Variants in TNRC6A observed in about 807,000 individuals in gnomAD.
TNRC6A encodes trinucleotide repeat containing adaptor 6A.
Under a neutral mutation model 221.2 loss-of-function variants are expected in TNRC6A, and 44 were observed. The ratio of observed to expected loss-of-function variants is 0.20; its 90% CI spans 0.16 to 0.26. The LOEUF (loss-of-function observed/expected upper bound fraction) is 0.26, where lower values mean the gene tolerates loss of function less well. Ranked by LOEUF, TNRC6A falls within the 10% of genes least tolerant of loss-of-function variation. The pLI, the probability that TNRC6A is intolerant of heterozygous loss-of-function variation, is 1.00. For missense variants in TNRC6A, 2,199 were observed against 2,404.4 expected (o/e 0.91, Z 1.79); for synonymous variants, 847 against 838.5 (o/e 1.01, Z -0.18).
intron 2 of TNRC6A, among the ~76,000 whole-genome samples, chr16:24,722,520 C>G (rs1050747632): frequency 3.5e-4 from 54 of 152,126 alleles, no homozygotes; most frequent in African/African-American, 1.2e-3. Flanking sequence ...ACTGTAACCT[C>G]CACTCCCGGG....
At chr16:24,645,475 G>A (rs1285122303) in intron 2 of TNRC6A, among the ~76,000 whole-genome samples, 2 of 151,486 alleles carry the variant, frequency 1.3e-5, no homozygotes, top group Admixed American at 6.6e-5. Flanking sequence ...GGGCAACAGA[G>A]TGAGACCCTG....
In TNRC6A at chr16:24,793,512, C is replaced by T. The variant is rs1317109988; in HGVS notation, c.3215C>T (p.Thr1072Ile). 6.5e-7 allele frequency: 1 copy of T among 1,538,026 alleles called. No homozygotes were observed. The highest frequency in any genetic ancestry group is 1.9e-5 in the Admixed American group (1 of 52,556). ...TGGGGGGAGCCTTCTACTCCAGCCA[C>T]AACTGTGGATAATGGTACTTCAGCA... Reference protein sequence around the residue: ...EPWGEPSTPATTVDNGTSAWG... With the variant: ...EPWGEPSTPAITVDNGTSAWG... The change falls in exon 7 of 25, where the codon ACA (threonine) becomes ATA (isoleucine). Residue 1072 changes from threonine (T) to isoleucine (I), a missense_variant. Transcript: ENST00000395799.
At chr16:24,681,896 C>T (rs2142063593) in intron 2 of TNRC6A, among the ~76,000 whole-genome samples, 1 of 152,302 alleles carries the variant, frequency 6.6e-6, no homozygotes, top group African/African-American at 2.4e-5. Flanking sequence ...AAAAGGGATG[C>T]ATATTTTAAA....
rs761413935 is a variant in TNRC6A at position 24,809,402 on chromosome 16, A to G, written c.4593A>G (p.Pro1531=). The change falls in exon 18 of 25, where the codon CCA becomes CCG. Residue 1531 remains proline, a synonymous_variant. Transcript: ENST00000395799. The part of the protein sequence containing the change: ...VNMDMNSIKE[P]QSRLRKWTTV... The stretch of plus-strand genomic sequence containing the variant: ...TGGATATGAACAGTATTAAAGAGCC[A>G]CAGTCAAGACTAAGGAAGTGGACGA... The G allele has an allele frequency of 1.2e-6, 2 of 1,600,574 alleles. No homozygotes were observed. Among genetic ancestry groups the G allele is most frequent in the South Asian group, 1.1e-5 (1 of 88,458 alleles).
chr16:24,657,658 G>C (rs1596610231), intron 2 of TNRC6A, among the ~76,000 whole-genome samples: 1 of 148,680 alleles, frequency 6.7e-6, no homozygotes, highest in African/African-American at 2.5e-5. Context: ...GCAGTGAGCT[G>C]AGATCGTGCC....
chr16:24,817,034 C>G (rs1041974026), intron 20 of TNRC6A, 78 bp downstream of exon 20: 14 of 1,440,692 alleles, frequency 9.7e-6, no homozygotes, highest in African/African-American at 1.4e-5. Context: ...CCCAGCTACT[C>G]TGGGCGACTG....
chr16:24,778,287 C>G, intron 5 of TNRC6A: 5 of 985,138 alleles, frequency 5.1e-6, no homozygotes, highest in Non-Finnish European at 6.0e-6. Context: ...TACCTGTGCT[C>G]TCTTTTATAT....
At chr16:24,628,802 C>A (rs1901176982) in intron 1 of TNRC6A, among the ~76,000 whole-genome samples, 1 of 150,702 alleles carries the variant, frequency 6.6e-6, no homozygotes, top group African/African-American at 2.5e-5. Context: ...TGTCGGTGCC[C>A]CTAACTCCCA....
At chr16:24,818,462 A>G (rs962677161) in intron 20 of TNRC6A, 131 bp from the exon 21 acceptor site, 5 of 712,296 alleles carry the variant, frequency 7.0e-6, no homozygotes, top group Non-Finnish European at 1.3e-5. Flanking sequence ...CTCGGGCACC[A>G]TCTTACCCTG....
chr16:24,643,102 A>C (rs1313273562), intron 2 of TNRC6A, among the ~76,000 whole-genome samples: 1 of 63,166 alleles, frequency 1.6e-5, no homozygotes, highest in African/African-American at 5.4e-5. Context: ...TTTTATATAT[A>C]TATATAAAAT....
At chr16:24,788,874 T>G (rs2058031848) in intron 5 of TNRC6A, among the ~76,000 whole-genome samples, 1 of 152,332 alleles carries the variant, frequency 6.6e-6, no homozygotes, top group East Asian at 1.9e-4. Flanking sequence ...GTTCTTGATC[T>G]CCTGACCTCG....
At chr16:24,762,995 T>TA (rs1160774760) in intron 4 of TNRC6A, among the ~76,000 whole-genome samples, 3 of 151,700 alleles carry the variant, frequency 2.0e-5, no homozygotes, top group Non-Finnish European at 2.9e-5. Context: ...TTTTTTTTTT[T>TA]AAATTGTAGC....
At chr16:24,685,765 T>A (rs946811830) in intron 2 of TNRC6A, among the ~76,000 whole-genome samples, 2 of 152,218 alleles carry the variant, frequency 1.3e-5, no homozygotes, top group Non-Finnish European at 2.9e-5. Context: ...CTCGGTTTGC[T>A]CATCAGTAAA....
intron 5 of TNRC6A, among the ~76,000 whole-genome samples, chr16:24,783,383 C>T (rs2057895288): frequency 6.6e-6 from 1 of 152,184 alleles, no homozygotes; most frequent in African/African-American, 2.4e-5. Flanking sequence ...CCCACCTCGG[C>T]CTCCCAAAGT....
intron 2 of TNRC6A, among the ~76,000 whole-genome samples, chr16:24,652,612 T>C (rs1388583361): frequency 6.6e-6 from 1 of 152,198 alleles, no homozygotes; most frequent in Non-Finnish European, 1.5e-5. Context: ...ACTGTCCTTT[T>C]TCTTTGGTGT....
chr16:24,664,812 C>CAA (rs1555486918), intron 2 of TNRC6A: 82 of 439,614 alleles, frequency 1.9e-4, no homozygotes, highest in African/African-American at 1.3e-3. Context: ...CACACACACA[C>CAA]AAAACCTATA....
At chr16:24,699,696 G>A (rs2055930896) in intron 2 of TNRC6A, among the ~76,000 whole-genome samples, 1 of 147,346 alleles carries the variant, frequency 6.8e-6, no homozygotes, top group African/African-American at 2.5e-5. Context: ...TCCGGCCCAG[G>A]CAACAGAATG....
chr16:24,715,914 C>G (rs2056305071), intron 2 of TNRC6A, among the ~76,000 whole-genome samples: 3 of 152,110 alleles, frequency 2.0e-5, no homozygotes, highest in African/African-American at 7.2e-5. Context: ...AGCCACTGTG[C>G]CTGGCCCATT....
chr16:24,715,670 T>G (rs985683600), intron 2 of TNRC6A, among the ~76,000 whole-genome samples: 3 of 149,374 alleles, frequency 2.0e-5, no homozygotes, highest in Non-Finnish European at 4.4e-5. Context: ...CAGGCTGGAG[T>G]GCAGTGGCAT....
Sources: allele counts gnomAD v4.1 joint callset (sites outside exome capture counted in the v4.1 genomes callset), GRCh38; gene constraint gnomAD v4.1.1; transcripts MANE v1.5; gene names NCBI Gene and HGNC (gene_info 2026-07-23, HGNC 2026-07-21).